Variants in BANK1 observed in about 807,000 individuals in gnomAD.
BANK1 encodes B cell scaffold protein with ankyrin repeats 1.
Under a neutral mutation model 94.5 loss-of-function variants are expected in BANK1, and 95 were observed. That is an observed-to-expected ratio of 1.00 (90% CI 0.85 to 1.19). BANK1 has a LOEUF of 1.19. Ranked by LOEUF, BANK1 falls within the 50% of genes most tolerant of loss-of-function variation. The pLI, the probability that BANK1 is intolerant of heterozygous loss-of-function variation, is 0.00. For synonymous variants in BANK1, 334 were observed against 308.4 expected, an observed-to-expected ratio of 1.08 and a Z score of -0.87; for missense variants, 987 against 932.2, an observed-to-expected ratio of 1.06 and a Z score of -0.77.
intron 7 of BANK1, among the ~76,000 whole-genome samples, chr4:101,961,904 A>C (rs1724582609): frequency 6.6e-6 from 1 of 152,168 alleles, no homozygotes; most frequent in Non-Finnish European, 1.5e-5. Context: ...AACACATTAG[A>C]AAATGTTTAG....
intron 8 of BANK1, among the ~76,000 whole-genome samples, chr4:102,022,836 A>G (rs1726959797): frequency 6.6e-6 from 1 of 152,082 alleles, no homozygotes; most frequent in Non-Finnish European, 1.5e-5. Context: ...ATCTCTCACC[A>G]TTATCTTACT....
At chr4:101,950,951 T>C (rs1724128225) in intron 7 of BANK1, among the ~76,000 whole-genome samples, 1 of 152,050 alleles carries the variant, frequency 6.6e-6, no homozygotes, top group South Asian at 2.1e-4. Context: ...TCCTTAACAC[T>C]GTGAAAGTCA....
intron 3 of BANK1, among the ~76,000 whole-genome samples, chr4:101,856,372 A>G (rs186756936): frequency 2.3e-5 from 3 of 128,216 alleles, no homozygotes. Flanking sequence ...AAAAATTACA[A>G]GGGCTCAGAA....
At chr4:102,043,321 G>A (rs998357163) in intron 10 of BANK1, among the ~76,000 whole-genome samples, 1 of 152,056 alleles carries the variant, frequency 6.6e-6, no homozygotes, top group African/African-American at 2.4e-5. Context: ...AGATAATGAA[G>A]TAATTCGAAT....
intron 10 of BANK1, among the ~76,000 whole-genome samples, chr4:102,032,902 A>AT (rs898118842): frequency 4.6e-5 from 7 of 151,784 alleles, no homozygotes; most frequent in East Asian, 1.9e-4. Flanking sequence ...AAAAATAAAA[A>AT]AAAAAAATGA....
intron 7 of BANK1, 98 bp downstream of exon 7, chr4:101,918,287 A>T (rs1722895536): frequency 2.5e-6 from 2 of 788,174 alleles, no homozygotes; most frequent in Admixed American, 6.6e-5. Context: ...CGTTTTCTTT[A>T]AGACTCTAGT....
intron 5 of BANK1, among the ~76,000 whole-genome samples, chr4:101,877,029 C>T (rs1409046971): frequency 1.3e-5 from 2 of 150,662 alleles, no homozygotes; most frequent in African/African-American, 4.9e-5. Context: ...AAAAAAGAAA[C>T]CATCAGGCAC....
intron 7 of BANK1, among the ~76,000 whole-genome samples, chr4:102,001,323 T>G (rs898470320): frequency 2.0e-5 from 3 of 152,182 alleles, no homozygotes; most frequent in African/African-American, 7.2e-5. Context: ...ACACCTGGGC[T>G]GGGCGCAGTG....
chr4:102,031,718 T>C (rs1727322308), intron 10 of BANK1, among the ~76,000 whole-genome samples: 1 of 152,124 alleles, frequency 6.6e-6, no homozygotes, highest in South Asian at 2.1e-4. Context: ...ATAAATAATA[T>C]GCAACACAAG....
intron 7 of BANK1, among the ~76,000 whole-genome samples, chr4:101,961,191 G>T (rs868680548): frequency 1.1e-4 from 17 of 152,266 alleles, no homozygotes; most frequent in South Asian, 8.3e-4. Flanking sequence ...ATAATGAACA[G>T]AATTATATTG....
At chr4:101,792,278 A>G (rs1238575605) in intron 1 of BANK1, among the ~76,000 whole-genome samples, 1 of 23,578 alleles carries the variant, frequency 4.2e-5, no homozygotes, top group South Asian at 1.7e-3. Flanking sequence ...CGCCCCTCCC[A>G]ACTCCTTGGG....
At chr4:102,047,697 G>T (rs941675948) in intron 11 of BANK1, among the ~76,000 whole-genome samples, 21 of 151,990 alleles carry the variant, frequency 1.4e-4, no homozygotes, top group Admixed American at 4.6e-4. Flanking sequence ...ATTAAATTAT[G>T]TTAGAATTAA....
At chr4:101,828,397 A>G (rs938474879) in intron 1 of BANK1, among the ~76,000 whole-genome samples, 1 of 78,500 alleles carries the variant, frequency 1.3e-5, no homozygotes, top group African/African-American at 4.3e-5. Flanking sequence ...ATATATATAT[A>G]TATATATATA....
chr4:101,985,563 T>C (rs1243862570), intron 7 of BANK1, among the ~76,000 whole-genome samples: 1 of 152,118 alleles, frequency 6.6e-6, no homozygotes, highest in Non-Finnish European at 1.5e-5. Context: ...TTAACTTGTG[T>C]TCTAGAAATG....
At chr4:101,839,352 T>C (rs563870888) in intron 2 of BANK1, among the ~76,000 whole-genome samples, 32 of 152,324 alleles carry the variant, frequency 2.1e-4, no homozygotes, top group African/African-American at 7.2e-4. Context: ...TGATTTCCTT[T>C]TGACAGTAAG....
rs1385893076 is a variant in BANK1, at chr4:102,050,735, A to G, written c.1969+6828A>G. On this transcript the variant is annotated intron_variant, in intron 11 of 16. Transcript: ENST00000322953. ...ATCATGCTTTCTGTGTTGTTTTCTTATATTTGGAACACATTTCTCTAAAGT... is the reference window on the plus strand; with the variant it reads ...ATCATGCTTTCTGTGTTGTTTTCTTGTATTTGGAACACATTTCTCTAAAGT... Among the ~76,000 whole-genome samples, 8 of 152,156 alleles carry G rather than the reference A, an allele frequency of 5.3e-5. No homozygotes were observed. The East Asian group carries it at 1.5e-3, about 29-fold the overall frequency.
At chr4:101,869,020 GAAAT>G (rs1454228009) in intron 4 of BANK1, among the ~76,000 whole-genome samples, 1 of 151,614 alleles carries the variant, frequency 6.6e-6, no homozygotes, top group Admixed American at 6.6e-5. Flanking sequence ...CAATATATAA[GAAAT>G]AAATCAGTTC....
chr4:102,059,825 T>C (rs1728352072), intron 11 of BANK1, among the ~76,000 whole-genome samples: 2 of 152,202 alleles, frequency 1.3e-5, no homozygotes, highest in African/African-American at 2.4e-5. Context: ...TATTTATTGT[T>C]AGTATTAATG....
intron 2 of BANK1, among the ~76,000 whole-genome samples, chr4:101,845,641 C>T (rs1727215961): frequency 6.6e-6 from 1 of 152,120 alleles, no homozygotes; most frequent in Non-Finnish European, 1.5e-5. Context: ...ATATAGCTGC[C>T]TCTGGGAATT....
Sources: allele counts gnomAD v4.1 joint callset (sites outside exome capture counted in the v4.1 genomes callset), GRCh38; gene constraint gnomAD v4.1.1; transcripts MANE v1.5; gene names NCBI Gene and HGNC (gene_info 2026-07-23, HGNC 2026-07-21).